Variants in UBR1 observed in about 807,000 individuals in gnomAD.
UBR1 encodes the protein ubiquitin protein ligase E3 component n-recognin 1, also known as E3 ubiquitin-protein ligase UBR1.
UBR1 carries 102 observed loss-of-function variants against 242.1 expected under a neutral mutation model. The observed-to-expected ratio is 0.42, with a 90% confidence interval of 0.36 to 0.50. The LOEUF (loss-of-function observed/expected upper bound fraction) is 0.50, where lower values mean the gene tolerates loss of function less well. Ranked by LOEUF, UBR1 falls within the 20% of genes least tolerant of loss-of-function variation. The pLI is 0.01. For synonymous variants in UBR1, 675 were observed against 684.8 expected, an observed-to-expected ratio of 0.99 and a Z score of 0.22; for missense variants, 1,772 against 2,101.8, an observed-to-expected ratio of 0.84 and a Z score of 3.07.
At chr15:42,980,137 C>G (rs2141269596) in intron 37 of UBR1, among the ~76,000 whole-genome samples, 1 of 152,192 alleles carries the variant, frequency 6.6e-6, no homozygotes. Context: ...ATTCCTGATC[C>G]CTCGTCCTAA....
At chr15:43,008,373 C>T (rs112217819) in intron 29 of UBR1, among the ~76,000 whole-genome samples, 4 of 152,268 alleles carry the variant, frequency 2.6e-5, no homozygotes, top group African/African-American at 4.8e-5. Context: ...CAGGCGCTGC[C>T]GCGGCCCCGG....
chr15:43,044,853 C>G (rs928872353), intron 14 of UBR1, among the ~76,000 whole-genome samples: 10 of 152,092 alleles, frequency 6.6e-5, no homozygotes, highest in Non-Finnish European at 1.5e-4. Flanking sequence ...CAAGTTCGTG[C>G]CACTGCACTC....
intron 7 of UBR1, 96 bp from the exon 8 acceptor site, chr15:43,059,921 C>T: frequency 6.4e-7 from 1 of 1,561,126 alleles, no homozygotes; most frequent in Non-Finnish European, 8.8e-7. Flanking sequence ...ATAACCCTGC[C>T]AGTTCCAAAT....
intron 29 of UBR1, among the ~76,000 whole-genome samples, chr15:43,009,428 C>T (rs922739240): frequency 1.3e-5 from 2 of 152,226 alleles, no homozygotes; most frequent in African/African-American, 4.8e-5. Flanking sequence ...GCTTATGCAC[C>T]CCTGGTCACT....
At chr15:43,073,546 C>T (rs972240791) in intron 4 of UBR1, among the ~76,000 whole-genome samples, 3 of 152,120 alleles carry the variant, frequency 2.0e-5, no homozygotes, top group Non-Finnish European at 2.9e-5. Flanking sequence ...GCAGGATAAG[C>T]GCTTACTTCA....
chr15:43,064,485 G>T (rs190663701), intron 6 of UBR1, among the ~76,000 whole-genome samples: 1 of 152,142 alleles, frequency 6.6e-6, no homozygotes, highest in African/African-American at 2.4e-5. Context: ...CTTTCTAAGT[G>T]CTAAAAGCAC....
At chr15:43,037,136 T>A (rs1470251244) in intron 17 of UBR1, among the ~76,000 whole-genome samples, 1 of 151,762 alleles carries the variant, frequency 6.6e-6, no homozygotes, top group African/African-American at 2.4e-5. Context: ...TCACCTGAGG[T>A]CAGGTGTTCA....
Position 43,007,243 on chromosome 15 carries a change from G to A in UBR1, c.3251C>T (p.Pro1084Leu). The A allele has an allele frequency of 6.2e-7, 1 of 1,614,064 alleles. No individual in the cohort carries two copies. The highest frequency in any genetic ancestry group is 8.5e-7 in the Non-Finnish European group (1 of 1,180,018). The part of the protein sequence containing the change: ...VSDYSRIALG[P>L]KRGPSVTEKE... ...TTCAGTAACAGATGGACCCCGTTTA[G>A]GACCCAAAGCAATTCTAGAGTAGTC... The change falls in exon 30 of 47, where the codon CCT becomes CTT. Residue 1084 changes from proline (P) to leucine (L), a missense_variant. By Grantham distance (98) the Pro-to-Leu change is moderately conservative. Coordinates refer to ENST00000290650, the MANE Select transcript of UBR1 (RefSeq NM_174916.3).
At chr15:43,016,320 T>C (rs373747307) in intron 28 of UBR1, among the ~76,000 whole-genome samples, 1 of 152,304 alleles carries the variant, frequency 6.6e-6, no homozygotes, top group East Asian at 1.9e-4. Context: ...TAATTTTCTA[T>C]TCAAATTTAC....
chr15:42,952,620 C>T (rs923737939), intron 44 of UBR1, among the ~76,000 whole-genome samples, 172 bp from the exon 45 acceptor site: 1 of 152,188 alleles, frequency 6.6e-6, no homozygotes, highest in Non-Finnish European at 1.5e-5. Flanking sequence ...TAATATGCCC[C>T]CTAAAAGGGC....
chr15:43,072,881 G>C (rs937013270), intron 4 of UBR1, among the ~76,000 whole-genome samples: 4 of 152,010 alleles, frequency 2.6e-5, no homozygotes, highest in African/African-American at 7.3e-5. Context: ...TTATTATGCT[G>C]GCTGGGCGTG....
At chr15:43,028,780 A>T (rs992221671) in intron 21 of UBR1, among the ~76,000 whole-genome samples, 180 of 147,034 alleles carry the variant, frequency 1.2e-3, no homozygotes, top group African/African-American at 3.4e-3. Flanking sequence ...ACAACAAAAA[A>T]ATATATATAT....
chr15:42,995,786 A>G (rs1226076826), intron 33 of UBR1, among the ~76,000 whole-genome samples: 1 of 152,216 alleles, frequency 6.6e-6, no homozygotes, highest in Non-Finnish European at 1.5e-5. Flanking sequence ...ACAGATTGTT[A>G]TCTCATTAGC....
chr15:43,041,748 C>G (rs978620331), intron 15 of UBR1, among the ~76,000 whole-genome samples: 1 of 151,998 alleles, frequency 6.6e-6, no homozygotes, highest in African/African-American at 2.4e-5. Context: ...AAAAGGCAAC[C>G]CACAGAATGG....
intron 27 of UBR1, among the ~76,000 whole-genome samples, chr15:43,018,164 G>A (rs532785690): frequency 4.3e-4 from 66 of 151,822 alleles, no homozygotes; most frequent in African/African-American, 1.5e-3. Context: ...CATAACGCCC[G>A]GCTAATTTTT....
intron 29 of UBR1, among the ~76,000 whole-genome samples, chr15:43,014,563 C>T (rs1167964535): frequency 1.3e-5 from 2 of 151,728 alleles, no homozygotes; most frequent in Admixed American, 6.5e-5. Context: ...TGCCTCTGCC[C>T]GGCCGCGACC....
At chr15:42,962,093 CCTTT>C (rs1185058711) in intron 42 of UBR1, among the ~76,000 whole-genome samples, 1 of 146,104 alleles carries the variant, frequency 6.8e-6, no homozygotes, top group African/African-American at 2.5e-5. Context: ...TTTTCTTCTC[CCTTT>C]CTTTCCTCTC....
chr15:43,018,204 T>C (rs529058892), intron 27 of UBR1, among the ~76,000 whole-genome samples: 1 of 152,220 alleles, frequency 6.6e-6, no homozygotes, highest in Admixed American at 6.5e-5. Context: ...GGTTTCACCA[T>C]GTTAGCCAGG....
chr15:43,082,611 T>G (rs771259735), intron 3 of UBR1, 27 bp downstream of exon 3: 4 of 1,595,598 alleles, frequency 2.5e-6, no homozygotes, highest in Non-Finnish European at 3.4e-6. Flanking sequence ...TCCTGCTTAT[T>G]CAGAGGTTAT....
Sources: allele counts gnomAD v4.1 joint callset (sites outside exome capture counted in the v4.1 genomes callset), GRCh38; gene constraint gnomAD v4.1.1; transcripts MANE v1.5; gene names NCBI Gene and HGNC (gene_info 2026-07-23, HGNC 2026-07-21).